The following CSMD1 variants were observed in gnomAD, a reference collection of about 807,000 sequenced individuals.
CSMD1 encodes the protein CUB and sushi domain-containing protein 1.
In CSMD1, 213 loss-of-function variants were observed where a neutral mutation model predicts 417.5. The observed-to-expected ratio is 0.51, with a 90% CI of 0.46 to 0.57. CSMD1 has a LOEUF of 0.57. CSMD1 is among the 20% of genes least tolerant of loss of function. The pLI is 0.00. For missense variants in CSMD1, 6,923 were observed against 4,529.7 expected (o/e 1.53, Z -15.17); for synonymous variants, 2,862 against 1,736.8 (o/e 1.65, Z -16.11).
rs1045062495 is a variant in CSMD1, at chr8:3,690,565, C to T, written c.1009+17849G>A. 2.6e-5 allele frequency among the ~76,000 whole-genome samples: 4 copies of T among 152,174 alleles called. No individual in the cohort carries two copies. The South Asian group carries it at 8.3e-4, about 31-fold the overall frequency. ...CTACTTTTCAATTAGCCAACCCTGGCAAGTGTTTTTACATCAGTGAGATGT... is the reference window on the plus strand; with the variant it reads ...CTACTTTTCAATTAGCCAACCCTGGTAAGTGTTTTTACATCAGTGAGATGT... On this transcript the variant is annotated intron_variant, in intron 7 of 69. Transcript: ENST00000635120.
At chr8:3,278,584 A>G (rs145119223) in intron 26 of CSMD1, 54 of 152,238 alleles carry the variant, frequency 3.5e-4, no homozygotes, top group African/African-American at 1.1e-3. Context: ...ACTAATTCCA[A>G]TGTTTTAAAT....
intron 10 of CSMD1, among the ~76,000 whole-genome samples, chr8:3,512,367 A>C (rs1263614817): frequency 6.6e-6 from 1 of 152,148 alleles, no homozygotes; most frequent in East Asian, 1.9e-4. Context: ...TTCAGCTCAG[A>C]AATTCAAGAT....
intron 1 of CSMD1, among the ~76,000 whole-genome samples, chr8:4,813,497 A>G (rs1463168573): frequency 6.6e-6 from 1 of 152,170 alleles, no homozygotes; most frequent in Non-Finnish European, 1.5e-5. Context: ...AAGCTGTCTG[A>G]TTTGCTTTTT....
At position 4,976,947 on chromosome 8, in the gene CSMD1, T is replaced by A. The variant is rs571927820; in HGVS notation, c.85+17385A>T. On this transcript the variant is annotated intron_variant, in intron 1 of 69. Coordinates refer to ENST00000635120, the MANE Select transcript of CSMD1 (RefSeq NM_033225.6). ...TCAAGTGTGTTCTGAAGCAGTGGAA[T>A]GAGGGCAGATGCTGTTGTCTTTCTC... Among the ~76,000 whole-genome samples the A allele has an allele frequency of 3.7e-3, 568 of 152,314 alleles. 3 individuals are homozygous for A. Among genetic ancestry groups the A allele is most frequent in the African/African-American group, 0.013 (550 of 41,584 alleles).
intron 3 of CSMD1, among the ~76,000 whole-genome samples, chr8:4,111,126 C>G (rs977865472): frequency 6.6e-6 from 1 of 152,072 alleles, no homozygotes; most frequent in African/African-American, 2.4e-5. Flanking sequence ...TTGTTTTGCT[C>G]TGGTTTGGTT....
chr8:4,570,764 G>A (rs1304720814), intron 2 of CSMD1, among the ~76,000 whole-genome samples: 3 of 152,080 alleles, frequency 2.0e-5, no homozygotes, highest in Non-Finnish European at 2.9e-5. Context: ...CTGTGAATCT[G>A]TCTGTCCTGG....
At chr8:3,894,662 G>C (rs1170060987) in intron 5 of CSMD1, among the ~76,000 whole-genome samples, 2 of 152,166 alleles carry the variant, frequency 1.3e-5, no homozygotes, top group East Asian at 3.9e-4. Context: ...AACCTAACAA[G>C]AGAGTCTAAT....
chr8:3,857,478 CT>C (rs2129103551), intron 5 of CSMD1, among the ~76,000 whole-genome samples: 1 of 152,252 alleles, frequency 6.6e-6, no homozygotes, highest in Admixed American at 6.5e-5. Flanking sequence ...AATATCCCAC[CT>C]ATATATATGA....
At chr8:4,992,051 T>C (rs533967940) in intron 1 of CSMD1, among the ~76,000 whole-genome samples, 74 of 152,168 alleles carry the variant, frequency 4.9e-4, no homozygotes, top group African/African-American at 1.7e-3. Context: ...GACCCTGGGC[T>C]CCACTTCTCG....
chr8:4,524,137 C>G (rs1042802699), intron 2 of CSMD1, among the ~76,000 whole-genome samples: 2 of 151,914 alleles, frequency 1.3e-5, no homozygotes, highest in Non-Finnish European at 2.9e-5. Context: ...AAAAGGAAAT[C>G]CAGACCTATG....
chr8:4,153,102 T>G (rs1284933036), intron 3 of CSMD1, among the ~76,000 whole-genome samples: 1 of 152,214 alleles, frequency 6.6e-6, no homozygotes, highest in Non-Finnish European at 1.5e-5. Flanking sequence ...GTAATTAATG[T>G]AGCCGTAAAG....
chr8:4,271,501 C>A (rs955771253), intron 3 of CSMD1, among the ~76,000 whole-genome samples: 17 of 151,678 alleles, frequency 1.1e-4, no homozygotes, highest in African/African-American at 3.9e-4. Context: ...AAAACTGCAT[C>A]AAAATCAGGA....
chr8:4,017,477 T>G (rs1796578811), intron 4 of CSMD1, among the ~76,000 whole-genome samples: 1 of 152,116 alleles, frequency 6.6e-6, no homozygotes, highest in Admixed American at 6.6e-5. Context: ...CAGCTAATTT[T>G]GTTTTTTTAG....
At chr8:3,179,249 A>G (rs1821156305) in intron 37 of CSMD1, among the ~76,000 whole-genome samples, 2 of 152,286 alleles carry the variant, frequency 1.3e-5, no homozygotes, top group South Asian at 2.1e-4. Flanking sequence ...CCAGCCTATA[A>G]TCTATATTTC....
chr8:3,868,176 A>G (rs1428673597), intron 5 of CSMD1, among the ~76,000 whole-genome samples: 6 of 152,048 alleles, frequency 3.9e-5, no homozygotes, highest in Non-Finnish European at 5.9e-5. Flanking sequence ...CTGCTGAACC[A>G]ACACCTGGTG....
At chr8:4,831,796 A>C (rs936974817) in intron 1 of CSMD1, among the ~76,000 whole-genome samples, 1 of 152,188 alleles carries the variant, frequency 6.6e-6, no homozygotes, top group African/African-American at 2.4e-5. Flanking sequence ...GGTCCCCTTC[A>C]GGGACCAGCA....
intron 3 of CSMD1, among the ~76,000 whole-genome samples, chr8:4,137,644 G>C (rs1192501829): frequency 7.6e-6 from 1 of 131,096 alleles, no homozygotes. Flanking sequence ...TTTATAAGCA[G>C]TTTCAATATA....
chr8:4,820,798 A>G (rs1295897647), intron 1 of CSMD1, among the ~76,000 whole-genome samples: 4 of 152,204 alleles, frequency 2.6e-5, no homozygotes, highest in African/African-American at 7.2e-5. Flanking sequence ...AAACAAGACA[A>G]TAAGATGAAG....
chr8:4,208,732 A>G (rs573720923), intron 3 of CSMD1, among the ~76,000 whole-genome samples: 74 of 152,332 alleles, frequency 4.9e-4, no homozygotes, highest in Middle Eastern at 3.4e-3. Context: ...AATAAAAAGC[A>G]TGGAATATGG....
Sources: allele counts gnomAD v4.1 joint callset (sites outside exome capture counted in the v4.1 genomes callset), GRCh38; gene constraint gnomAD v4.1.1; transcripts MANE v1.5; gene names NCBI Gene and HGNC (gene_info 2026-07-23, HGNC 2026-07-21).